The following PTPRN2 variants were observed in gnomAD, a reference collection of about 807,000 sequenced individuals.
PTPRN2 encodes the protein protein tyrosine phosphatase receptor type N2, also known as receptor-type tyrosine-protein phosphatase N2.
Under a neutral mutation model 118.8 loss-of-function variants are expected in PTPRN2, and 74 were observed. That is an observed-to-expected ratio of 0.62 (90% CI 0.52 to 0.76). The LOEUF is 0.76. PTPRN2 is among the 30% of genes least tolerant of loss of function. The probability of loss-of-function intolerance (pLI) is 0.00; values close to 1 mark genes in which losing one functional copy is unlikely to be tolerated. For synonymous variants in PTPRN2, 641 were observed against 608.0 expected (o/e 1.05, Z -0.80); for missense variants, 1,481 against 1,394.4 (o/e 1.06, Z -0.99).
chr7:158,096,830 C>A (rs1296856711), intron 10 of PTPRN2, among the ~76,000 whole-genome samples: 1 of 152,244 alleles, frequency 6.6e-6, no homozygotes, highest in Admixed American at 6.5e-5. Context: ...GTGGTGGATA[C>A]ACCACATCCA....
At chr7:157,792,932 G>A (rs1451508049) in intron 12 of PTPRN2, among the ~76,000 whole-genome samples, 4 of 152,214 alleles carry the variant, frequency 2.6e-5, no homozygotes, top group Non-Finnish European at 4.4e-5. Context: ...CGGGTGCCGA[G>A]TTTAAAACTC....
intron 1 of PTPRN2, among the ~76,000 whole-genome samples, chr7:158,503,846 C>A (rs1405669935): frequency 1.3e-5 from 2 of 152,014 alleles, no homozygotes; most frequent in Non-Finnish European, 2.9e-5. Flanking sequence ...ACTAAAAATA[C>A]AAAAATTAGC....
chr7:158,163,731 C>T (rs906932164), intron 6 of PTPRN2, among the ~76,000 whole-genome samples: 2 of 149,386 alleles, frequency 1.3e-5, no homozygotes, highest in Non-Finnish European at 3.0e-5. Flanking sequence ...GATGCCTGTA[C>T]CGGGTTCTCA....
At chr7:157,589,025 C>CCGTT (rs1037083118) in intron 17 of PTPRN2, among the ~76,000 whole-genome samples, 2 of 152,152 alleles carry the variant, frequency 1.3e-5, no homozygotes, top group African/African-American at 4.8e-5. Context: ...GGCCTTCCCA[C>CCGTT]CGTTCTACAA....
intron 12 of PTPRN2, among the ~76,000 whole-genome samples, chr7:157,858,143 AGCCCCGTCACC>A (rs1479615265): frequency 1.9e-5 from 1 of 53,358 alleles, no homozygotes; most frequent in African/African-American, 8.3e-5. Context: ...CTGCAGGGAG[AGCCCCGTCACC>A]ACCCACACTC....
chr7:157,558,653 C>G (rs932944640), intron 21 of PTPRN2, among the ~76,000 whole-genome samples: 2 of 152,240 alleles, frequency 1.3e-5, no homozygotes, highest in Admixed American at 1.3e-4. Context: ...AGCGGGGATG[C>G]GTGAAGCATG....
Position 158,034,252 on chromosome 7 carries a change from G to A in PTPRN2, c.1723+47046C>T, listed in dbSNP as rs1232535142. Among the ~76,000 whole-genome samples, 6 of 148,128 alleles carry A rather than the reference G, an allele frequency of 4.1e-5. 1 individual carries two copies. The highest frequency in any genetic ancestry group is 4.2e-4 in the South Asian group (2 of 4,740). ...ATAGAAACTCTGCATGCTGAGGCCC[G>A]GGCAAGCATCCCTGGTCAGCAATGC... On this transcript the variant is annotated intron_variant, in intron 11 of 22. Transcript: ENST00000389418.
Position 157,867,617 on chromosome 7 carries a change from C to T in PTPRN2, c.1788+31056G>A, listed in dbSNP as rs370903761. The stretch of plus-strand genomic sequence containing the variant: ...CCCTGTCCCTGACGCCCTGGATACA[C>T]GGCCACCACCCCGCCCAGACTGAAG... On this transcript the variant is annotated intron_variant, in intron 12 of 22. Coordinates refer to ENST00000389418, the MANE Select transcript of PTPRN2 (RefSeq NM_002847.5). 5.4e-4 allele frequency among the ~76,000 whole-genome samples: 82 copies of T among 152,194 alleles called. 1 individual carries two copies. In the East Asian group the frequency reaches 0.013, roughly 24 times the overall value.
intron 3 of PTPRN2, among the ~76,000 whole-genome samples, chr7:158,207,465 A>G (rs1371822907): frequency 1.3e-5 from 2 of 152,130 alleles, no homozygotes; most frequent in Non-Finnish European, 2.9e-5. Flanking sequence ...TAATTAAACT[A>G]AAGAGCTTCT....
chr7:157,595,364 C>G (rs777583314), intron 16 of PTPRN2, 49 bp from the exon 17 acceptor site: 1 of 1,197,688 alleles, frequency 8.3e-7, no homozygotes, highest in East Asian at 2.2e-5. Context: ...GATTAGGAAG[C>G]CTGGAGGTTA....
intron 1 of PTPRN2, among the ~76,000 whole-genome samples, chr7:158,498,956 C>T (rs1822158124): frequency 6.6e-6 from 1 of 152,162 alleles, no homozygotes. Context: ...CTGCTGTAAA[C>T]GTGAACTTTA....
chr7:158,212,288 T>G (rs1827656535), intron 3 of PTPRN2, among the ~76,000 whole-genome samples: 1 of 152,126 alleles, frequency 6.6e-6, no homozygotes, highest in African/African-American at 2.4e-5. Context: ...AAAATACAGT[T>G]AAGTAGAATG....
intron 2 of PTPRN2, among the ~76,000 whole-genome samples, chr7:158,338,235 T>A (rs1215873640): frequency 6.1e-5 from 3 of 49,250 alleles, no homozygotes; most frequent in African/African-American, 2.0e-4. Context: ...ATAATAGCTG[T>A]CGTCCGGAGG....
At chr7:157,914,774 A>T (rs1798303448) in intron 11 of PTPRN2, among the ~76,000 whole-genome samples, 1 of 152,092 alleles carries the variant, frequency 6.6e-6, no homozygotes, top group Admixed American at 6.6e-5. Context: ...ACTCTACTGC[A>T]AGACTTATGC....
At chr7:158,397,849 T>C (rs1173652795) in intron 2 of PTPRN2, among the ~76,000 whole-genome samples, 1 of 145,860 alleles carries the variant, frequency 6.9e-6, no homozygotes, top group Non-Finnish European at 1.5e-5. Flanking sequence ...ACAAAACAAA[T>C]TGAAAAGCAC....
intron 14 of PTPRN2, among the ~76,000 whole-genome samples, chr7:157,636,290 T>C (rs1585146767): frequency 6.6e-6 from 1 of 152,210 alleles, no homozygotes; most frequent in African/African-American, 2.4e-5. Flanking sequence ...GTACAATTAA[T>C]TACACAGTTA....
intron 1 of PTPRN2, among the ~76,000 whole-genome samples, chr7:158,582,569 T>A (rs937261115): frequency 9.9e-5 from 15 of 151,340 alleles, no homozygotes; most frequent in African/African-American, 2.2e-4. Context: ...AAAAAAAAAA[T>A]TCATTTTTAA....
intron 2 of PTPRN2, among the ~76,000 whole-genome samples, chr7:158,407,162 C>CCGCG (rs1563254253): frequency 8.2e-6 from 1 of 122,144 alleles, no homozygotes; most frequent in Non-Finnish European, 1.8e-5. Context: ...GTCCTGGGTC[C>CCGCG]TGGGTCCTGC....
Position 158,271,172 on chromosome 7 carries a change from C to T in PTPRN2, c.277+45647G>A, listed in dbSNP as rs951631594. On this transcript the variant is annotated intron_variant, in intron 3 of 22. Transcript: ENST00000389418. ...GTAACTGTGGGATGGAAACAAAATT[C>T]GACTCTAGTGGGTGGCCAGGAGAGG... 4.0e-5 allele frequency among the ~76,000 whole-genome samples: 6 copies of T among 151,674 alleles called. 1 individual carries two copies. Among genetic ancestry groups the T allele is most frequent in the African/African-American group, 9.7e-5 (4 of 41,210 alleles).
Sources: gnomAD v4.1 joint callset for allele counts (sites outside exome capture counted in the v4.1 genomes callset) on GRCh38, gnomAD v4.1.1 for gene constraint, MANE v1.5 for transcripts, NCBI Gene and HGNC (gene_info 2026-07-23, HGNC 2026-07-21) for gene names.